Variants in NDC1 observed in about 807,000 individuals in gnomAD.
The protein encoded by NDC1 is nucleoporin NDC1.
A neutral mutation model predicts 89.8 loss-of-function variants in NDC1; 24 were observed. The observed-to-expected ratio is 0.27, with a 90% confidence interval of 0.19 to 0.38. NDC1 has a LOEUF of 0.38. NDC1 is among the 10% of genes least tolerant of loss of function. The pLI is 1.00. For missense variants in NDC1, 728 were observed against 797.6 expected, an observed-to-expected ratio of 0.91 and a Z score of 1.05; for synonymous variants, 296 against 284.8, an observed-to-expected ratio of 1.04 and a Z score of -0.39.
At chr1:53,772,234 C>T (rs943626568) in intron 17 of NDC1, 95 bp downstream of exon 17, 30 of 1,069,002 alleles carry the variant, frequency 2.8e-5, no homozygotes, top group Admixed American at 8.6e-5. Flanking sequence ...CCCAAAAGAA[C>T]ACTTTCAACA....
chr1:53,809,720 T>C lies in NDC1; in HGVS notation c.730A>G (p.Thr244Ala). The C allele has an allele frequency of 6.2e-7, 1 of 1,612,744 alleles. No individual in the cohort carries two copies. The highest frequency in any genetic ancestry group is 1.1e-5 in the South Asian group (1 of 90,998). ...LGYIPKAWISTAMNLHIDEQV... is the reference protein window; with the variant it reads ...LGYIPKAWISAAMNLHIDEQV... ...TCATCTATGTGAAGGTTCATAGCAG[T>C]GCTAATCCAAGCTTTGGGAATATAG... The change falls in exon 7 of 18, where the codon ACT becomes GCT. Residue 244 changes from threonine to alanine, a missense_variant. Thr to Ala is a moderately conservative substitution (Grantham distance 58). Transcript: ENST00000371429.
At chr1:53,770,067 A>G (rs1323065336) in intron 17 of NDC1, among the ~76,000 whole-genome samples, 1 of 152,200 alleles carries the variant, frequency 6.6e-6, no homozygotes. Context: ...ACTATACGAC[A>G]CTGTCCTACA....
intron 5 of NDC1, among the ~76,000 whole-genome samples, chr1:53,819,787 G>A (rs972377833): frequency 6.6e-6 from 1 of 152,158 alleles, no homozygotes; most frequent in Non-Finnish European, 1.5e-5. Context: ...TTATGTGAAA[G>A]ACAAGAAAGC....
At chr1:53,772,726 C>CATAACAA (rs1294501716) in intron 16 of NDC1, among the ~76,000 whole-genome samples, 14 of 149,780 alleles carry the variant, frequency 9.3e-5, no homozygotes, top group African/African-American at 3.2e-4. Flanking sequence ...CATAACAAAA[C>CATAACAA]AAAACAAACA....
At chr1:53,787,881 A>C (rs1164193631) in intron 15 of NDC1, among the ~76,000 whole-genome samples, 1 of 147,400 alleles carries the variant, frequency 6.8e-6, no homozygotes, top group Non-Finnish European at 1.5e-5. Context: ...AAAAAAAAAA[A>C]AACATGTGGT....
At chr1:53,807,926 T>C (rs1648169848) in intron 7 of NDC1, 135 bp from the exon 8 acceptor site, 6 of 818,568 alleles carry the variant, frequency 7.3e-6, no homozygotes, top group Non-Finnish European at 1.1e-5. Context: ...TTCGATATCT[T>C]TATAAAGCTC....
intron 10 of NDC1, among the ~76,000 whole-genome samples, chr1:53,802,396 C>T (rs1001292776): frequency 6.6e-6 from 1 of 152,066 alleles, no homozygotes; most frequent in African/African-American, 2.4e-5. Flanking sequence ...GTTGAGTGTA[C>T]TGGCTCACAC....
intron 8 of NDC1, among the ~76,000 whole-genome samples, chr1:53,807,246 CAAAAAA>C (rs56393499): frequency 3.1e-4 from 17 of 55,278 alleles, no homozygotes; most frequent in African/African-American, 1.1e-3. Flanking sequence ...GACCCTATCT[CAAAAAA>C]AAAAAAAAAA....
At chr1:53,811,415 C>T (rs1648301275) in intron 6 of NDC1, among the ~76,000 whole-genome samples, 2 of 152,180 alleles carry the variant, frequency 1.3e-5, no homozygotes, top group Admixed American at 1.3e-4. Context: ...TGGAAACAGA[C>T]TCAGGGCTGT....
intron 5 of NDC1, among the ~76,000 whole-genome samples, chr1:53,823,754 C>T (rs1047256898): frequency 6.6e-6 from 1 of 152,080 alleles, no homozygotes; most frequent in African/African-American, 2.4e-5. Flanking sequence ...AGTTGACATC[C>T]TGCTTTTAAT....
chr1:53,821,206 G>T (rs1356878394), intron 5 of NDC1, among the ~76,000 whole-genome samples: 2 of 152,000 alleles, frequency 1.3e-5, no homozygotes, highest in African/African-American at 4.8e-5. Flanking sequence ...GGACAAGGTG[G>T]GCAGATCACT....
intron 16 of NDC1, among the ~76,000 whole-genome samples, chr1:53,780,573 A>C (rs1449181011): frequency 2.6e-5 from 4 of 152,198 alleles, no homozygotes; most frequent in Non-Finnish European, 5.9e-5. Flanking sequence ...ATAAAGGTAA[A>C]CATCAATATT....
chr1:53,778,469 T>G (rs1018187120), intron 16 of NDC1, among the ~76,000 whole-genome samples: 3 of 152,166 alleles, frequency 2.0e-5, no homozygotes, highest in African/African-American at 7.2e-5. Context: ...AATAAATGAC[T>G]TGGACGGGCA....
chr1:53,811,362 G>A (rs1181155), intron 6 of NDC1, among the ~76,000 whole-genome samples: 2,092 of 152,276 alleles, frequency 0.014, 53 homozygotes, highest in African/African-American at 0.048. Context: ...GCTGGGAGGC[G>A]GGTAGCCCAG....
chr1:53,835,866 T>C (rs1354035034), intron 1 of NDC1, among the ~76,000 whole-genome samples: 1 of 152,132 alleles, frequency 6.6e-6, no homozygotes, highest in Non-Finnish European at 1.5e-5. Flanking sequence ...GTGGTGGGCA[T>C]TGATTTACAG....
At chr1:53,781,672 T>C (rs1284013779) in intron 16 of NDC1, among the ~76,000 whole-genome samples, 2 of 152,322 alleles carry the variant, frequency 1.3e-5, no homozygotes, top group East Asian at 3.9e-4. Context: ...AAGCCAGTAA[T>C]GTACAACTTG....
chr1:53,825,236 G>A (rs1648809787), intron 5 of NDC1, among the ~76,000 whole-genome samples: 1 of 151,932 alleles, frequency 6.6e-6, no homozygotes, highest in Admixed American at 6.6e-5. Context: ...AGCACTTTGG[G>A]AGGCTGAGGT....
At chr1:53,775,957 T>G (rs1281598141) in intron 16 of NDC1, among the ~76,000 whole-genome samples, 2 of 140,756 alleles carry the variant, frequency 1.4e-5, no homozygotes, top group Non-Finnish European at 3.2e-5. Flanking sequence ...TGAAATTCCT[T>G]TTTTTTTTTT....
At chr1:53,828,803 G>A (rs1043703838) in intron 3 of NDC1, among the ~76,000 whole-genome samples, 4 of 151,764 alleles carry the variant, frequency 2.6e-5, no homozygotes, top group African/African-American at 9.7e-5. Context: ...GTAGAGATGG[G>A]GTTTCACCAT....
Sources: allele counts gnomAD v4.1 joint callset (sites outside exome capture counted in the v4.1 genomes callset), GRCh38; gene constraint gnomAD v4.1.1; transcripts MANE v1.5; gene names NCBI Gene and HGNC (gene_info 2026-07-23, HGNC 2026-07-21).